The following TMEM38A variants were observed in gnomAD, a reference collection of about 807,000 sequenced individuals.
TMEM38A encodes transmembrane protein 38A.
A neutral mutation model predicts 28.6 loss-of-function variants in TMEM38A; 17 were observed. The ratio of observed to expected loss-of-function variants is 0.60; its 90% CI spans 0.41 to 0.89. TMEM38A has a LOEUF of 0.89. Ranked by LOEUF, TMEM38A falls within the 40% of genes least tolerant of loss-of-function variation. TMEM38A has a pLI of 0.00. For synonymous variants in TMEM38A, 169 were observed against 166.1 expected (o/e 1.02, Z -0.14); for missense variants, 328 against 393.1 (o/e 0.83, Z 1.40).
chr19:16,675,461 T>A (rs950197687), intron 1 of TMEM38A, among the ~76,000 whole-genome samples: 4 of 151,848 alleles, frequency 2.6e-5, no homozygotes, highest in African/African-American at 9.7e-5. Flanking sequence ...CTGGAACTCC[T>A]AGGCTCAAGA....
At chr19:16,672,258 C>A (rs1460323273) in intron 1 of TMEM38A, among the ~76,000 whole-genome samples, 1 of 151,922 alleles carries the variant, frequency 6.6e-6, no homozygotes, top group South Asian at 2.1e-4. Context: ...TGTTCAAGAT[C>A]ACATTGTTAG....
chr19:16,671,964 G>A (rs1306105661), intron 1 of TMEM38A, among the ~76,000 whole-genome samples: 1 of 152,224 alleles, frequency 6.6e-6, no homozygotes, highest in African/African-American at 2.4e-5. Flanking sequence ...CCTGGCCTCT[G>A]CACAGGCCAC....
At chr19:16,677,784 C>G (rs1252177468) in intron 1 of TMEM38A, among the ~76,000 whole-genome samples, 1 of 152,056 alleles carries the variant, frequency 6.6e-6, no homozygotes, top group East Asian at 1.9e-4. Context: ...TCTCGAACAC[C>G]CAGGCTCAAG....
chr19:16,686,284 C>T lies in TMEM38A; in HGVS notation c.555-4C>T, dbSNP rs1328313823. ...CTCCCGGTAATGACAGCTGCTCCCT[C>T]CAGCCCCACCAAGGCCAGCCTGTAT... On this transcript the variant is annotated splice_region_variant and splice_polypyrimidine_tract_variant and intron_variant, in intron 4 of 5. Coordinates refer to ENST00000187762, the MANE Select transcript of TMEM38A (RefSeq NM_024074.4). 1 of 1,610,966 alleles carries T rather than the reference C, an allele frequency of 6.2e-7. No individual in the cohort carries two copies. Among genetic ancestry groups the T allele is most frequent in the South Asian group, 1.1e-5 (1 of 90,922 alleles).
intron 2 of TMEM38A, 82 bp from the exon 3 acceptor site, chr19:16,680,315 T>G (rs2122593761): frequency 6.5e-7 from 1 of 1,536,740 alleles, no homozygotes; most frequent in South Asian, 1.2e-5. Context: ...TTGGGGAGGG[T>G]GGTCTGATAT....
intron 3 of TMEM38A, among the ~76,000 whole-genome samples, chr19:16,681,112 C>T (rs1453455916): frequency 6.6e-6 from 1 of 152,162 alleles, no homozygotes; most frequent in African/African-American, 2.4e-5. Context: ...CCAGTGAAGC[C>T]TACAGACCCT....
chr19:16,663,511 C>G (rs1046279408), intron 1 of TMEM38A, among the ~76,000 whole-genome samples: 7 of 151,688 alleles, frequency 4.6e-5, no homozygotes, highest in African/African-American at 1.7e-4. Context: ...TCATGAGACG[C>G]TCCTGGGAGC....
intron 1 of TMEM38A, among the ~76,000 whole-genome samples, chr19:16,672,422 A>T (rs1185856893): frequency 6.7e-6 from 1 of 150,288 alleles, no homozygotes; most frequent in African/African-American, 2.5e-5. Flanking sequence ...TGATGAGCTT[A>T]AAAAAAAATC....
intron 4 of TMEM38A, among the ~76,000 whole-genome samples, chr19:16,685,049 T>TATAAATAAATAAATAA (rs202015834): frequency 0.049 from 6,645 of 136,440 alleles, 420 homozygotes; most frequent in African/African-American, 0.11. Flanking sequence ...ACCCTGTCTC[T>TATAAATAAATAAATAA]GTAAATAAAT....
chr19:16,665,029 T>C (rs1323114496), intron 1 of TMEM38A, among the ~76,000 whole-genome samples: 1 of 151,520 alleles, frequency 6.6e-6, no homozygotes, highest in Non-Finnish European at 1.5e-5. Context: ...GCGCGGTGTC[T>C]CATGCCTGTA....
At chr19:16,665,301 CAAAT>C (rs1343099953) in intron 1 of TMEM38A, among the ~76,000 whole-genome samples, 1 of 151,592 alleles carries the variant, frequency 6.6e-6, no homozygotes, top group Non-Finnish European at 1.5e-5. Flanking sequence ...TCTCAATAAA[CAAAT>C]AAATAAAAAT....
intron 1 of TMEM38A, among the ~76,000 whole-genome samples, chr19:16,664,845 A>G (rs1012125007): frequency 5.9e-5 from 9 of 151,930 alleles, no homozygotes; most frequent in Non-Finnish European, 1.0e-4. Context: ...ACAGAGCAAG[A>G]CCGTGTCTCC....
At chr19:16,683,223 C>T (rs550545755) in intron 4 of TMEM38A, among the ~76,000 whole-genome samples, 1 of 152,254 alleles carries the variant, frequency 6.6e-6, no homozygotes, top group East Asian at 1.9e-4. Context: ...ATCTGCCGAC[C>T]TCAGCCTCCC....
rs2086677325 is a variant in TMEM38A at position 16,661,452 on chromosome 19, G to A, written c.124+111G>A. ...TGCGTGGTGGAGGGAGCGAGGGACA[G>A]GTTCAAGGATTGCATCGTGGGAGTA... On this transcript the variant is annotated intron_variant, in intron 1 of 5. Transcript: ENST00000187762. This position sits in a 1 kb window ranked among gnomAD's most constrained non-coding sequence, Gnocchi z 6.5. The A allele has an allele frequency of 3.1e-6, 3 of 982,244 alleles. No homozygotes were observed. The East Asian group carries it at 1.0e-4, about 33-fold the overall frequency. The allele number at this position is 982,244 out of a possible 1,614,324, so 60.8% of individuals were successfully genotyped here. A position where few individuals can be genotyped will look rare whatever the true frequency, so the allele number is the denominator to read the frequency against.
In TMEM38A at chr19:16,688,740, C is replaced by G. The variant is rs2086812863; in HGVS notation, c.*369C>G. On this transcript the variant is annotated 3_prime_UTR_variant, in exon 6 of 6. Transcript: ENST00000187762. The stretch of plus-strand genomic sequence containing the variant: ...AGGCACAGTGGCTCATGCCTATAAT[C>G]CTAGCACTTTGGGAGGCCGAGGCGG... The G allele has an allele frequency of 6.3e-6, 1 of 159,310 alleles. No individual in the cohort carries two copies. Among genetic ancestry groups the G allele is most frequent in the Non-Finnish European group, 1.4e-5 (1 of 73,050 alleles). 9.9% of individuals were successfully genotyped at this position (159,310 alleles called of 1,614,324 possible).
intron 1 of TMEM38A, among the ~76,000 whole-genome samples, chr19:16,662,190 A>G (rs2086685086): frequency 6.6e-6 from 1 of 152,206 alleles, no homozygotes; most frequent in Non-Finnish European, 1.5e-5. Context: ...TTAGGCTTAG[A>G]AAAATAAAGG....
intron 5 of TMEM38A, among the ~76,000 whole-genome samples, chr19:16,686,950 A>G (rs1355115911): frequency 6.6e-6 from 1 of 152,134 alleles, no homozygotes; most frequent in Non-Finnish European, 1.5e-5. Flanking sequence ...CTGTCCTGCT[A>G]TGTTTGTAGC....
chr19:16,671,789 G>C (rs1262740402), intron 1 of TMEM38A, among the ~76,000 whole-genome samples: 3 of 152,248 alleles, frequency 2.0e-5, no homozygotes, highest in African/African-American at 7.2e-5. Context: ...CTGCCCGTCA[G>C]AGCGTAACTC....
At chr19:16,675,989 G>T (rs1461264978) in intron 1 of TMEM38A, among the ~76,000 whole-genome samples, 4 of 152,084 alleles carry the variant, frequency 2.6e-5, no homozygotes, top group African/African-American at 7.2e-5. Flanking sequence ...GTCCACAACA[G>T]ACACTCTTTC....
Sources: allele counts gnomAD v4.1 joint callset (sites outside exome capture counted in the v4.1 genomes callset), GRCh38; gene constraint gnomAD v4.1.1; non-coding constraint Gnocchi (gnomAD v3.1); transcripts MANE v1.5; gene names NCBI Gene and HGNC (gene_info 2026-07-23, HGNC 2026-07-21).